EBLN1: variants seen among roughly 807,000 people sequenced by gnomAD.
EBLN1 encodes endogenous Bornavirus like nucleoprotein 1.
Under a neutral mutation model 0.8 loss-of-function variants are expected in EBLN1, and 1 was observed. The observed-to-expected ratio is 1.32, with a 90% CI of 0.47 to 6.26. EBLN1 has a LOEUF of 6.26. EBLN1 is among the 30% of genes most tolerant of loss of function. The pLI, the probability that EBLN1 is intolerant of heterozygous loss-of-function variation, is 0.15. For missense variants in EBLN1, 396 were observed against 447.9 expected (o/e 0.88, Z 1.05); for synonymous variants, 158 against 158.5 (o/e 1.00, Z 0.02).
chr10:22,209,308 T>G lies in EBLN1; in HGVS notation c.676A>C (p.Lys226Gln), dbSNP rs1361899561. The change falls in exon 3 of 3, where the codon AAA becomes CAA. Residue 226 changes from lysine to glutamine, a missense_variant. By Grantham distance (53) the Lys-to-Gln change is moderately conservative. Coordinates refer to ENST00000422359, the MANE Select transcript of EBLN1 (RefSeq NM_001394757.1). The part of the protein sequence containing the change: ...SPACELLDQV[K>Q]VVASKAQMMT... ...ATCTGTGCTTTGCTGGCAACTACTT[T>G]AACTTGATCAAGTAGCTCGCACGCA... 1.3e-6 allele frequency: 2 copies of G among 1,599,282 alleles called. No homozygotes were observed. The highest frequency in any genetic ancestry group is 1.7e-6 in the Non-Finnish European group (2 of 1,179,396).
Position 22,217,284 on chromosome 10 carries a change from C to T in EBLN1, c.-169+632G>A, listed in dbSNP as rs1834800162. Among the ~76,000 whole-genome samples the T allele has an allele frequency of 2.0e-5, 3 of 152,158 alleles. No individual in the cohort carries two copies. The South Asian group carries it at 6.2e-4, about 31-fold the overall frequency. On this transcript the variant is annotated intron_variant, in intron 1 of 2. Coordinates refer to ENST00000422359, the MANE Select transcript of EBLN1 (RefSeq NM_001394757.1). ...GAGATTATAGGTGCGTGCCACCACG[C>T]CCAGCTAATTTTTCTATTTTTAGTA...
intron 2 of EBLN1, among the ~76,000 whole-genome samples, chr10:22,212,581 T>G (rs898834370): frequency 1.3e-5 from 2 of 152,148 alleles, no homozygotes; most frequent in African/African-American, 4.8e-5. Flanking sequence ...GTCAAATACA[T>G]AGTTTCTTGA....
At chr10:22,213,012 T>G (rs560297702) in intron 1 of EBLN1, among the ~76,000 whole-genome samples, 47 bp from the exon 2 acceptor site, 2 of 151,672 alleles carry the variant, frequency 1.3e-5, no homozygotes, top group South Asian at 4.2e-4. Context: ...CAGTCTATGA[T>G]GTAAAGTGTG....
intron 1 of EBLN1, among the ~76,000 whole-genome samples, chr10:22,214,770 A>ACC (rs1373502522): frequency 1.2e-4 from 18 of 152,174 alleles, no homozygotes; most frequent in African/African-American, 4.3e-4. Context: ...CGTAGGACCC[A>ACC]CCAACTGCAC....
chr10:22,216,228 G>C lies in EBLN1; in HGVS notation c.-169+1688C>G, dbSNP rs375738489. On this transcript the variant is annotated intron_variant, in intron 1 of 2. Transcript: ENST00000422359. Reference sequence around the variant, plus strand: ...AAGTCATTCGGTGAAACCCAATTTAGGGACACCTCATCTGGCATGTACAAA... The same window carrying C: ...AAGTCATTCGGTGAAACCCAATTTACGGACACCTCATCTGGCATGTACAAA... Among the ~76,000 whole-genome samples, 10 of 151,508 alleles carry C rather than the reference G, an allele frequency of 6.6e-5. No homozygotes were observed. The East Asian group carries it at 1.9e-3, about 29-fold the overall frequency.
Position 22,208,995 on chromosome 10 carries a change from A to G in EBLN1, c.989T>C (p.Ile330Thr). 1 of 1,535,738 alleles carries G rather than the reference A, an allele frequency of 6.5e-7. No homozygotes were observed. Among genetic ancestry groups the G allele is most frequent in the Non-Finnish European group, 8.7e-7 (1 of 1,146,910 alleles). Residue 330 changes from isoleucine to threonine, a missense_variant, in exon 3 of 3, where the codon ATT becomes ACT. Coordinates refer to ENST00000422359, the MANE Select transcript of EBLN1 (RefSeq NM_001394757.1). ...EALDIIPGST[I>T]TFPVLQMASA... ...TGCCATTTGAAGTACAGGGAATGTA[A>G]TAGTTGATCCTGGTATAATGTCAAG...
In EBLN1 at chr10:22,209,962, G is replaced by A. The variant is rs999902283; in HGVS notation, c.22C>T (p.Pro8Ser). 7 of 1,418,176 alleles carry A rather than the reference G, an allele frequency of 4.9e-6. No individual in the cohort carries two copies. Among genetic ancestry groups the A allele is most frequent in the Non-Finnish European group, 6.4e-6 (7 of 1,090,104 alleles). 87.8% of individuals were successfully genotyped at this position (1,418,176 alleles called of 1,614,324 possible). A position where few individuals can be genotyped will look rare whatever the true frequency, so the allele number is the denominator to read the frequency against. ...CTGTCTTGTGGGCTGCTGGTCTGTG[G>A]GTTGTTTCTTGGGCGGGACATTGTG... is the stretch of plus-strand genomic sequence containing the variant. MSRPRNN[P>S]QTSSPQDSTK... The change falls in exon 3 of 3, where the codon CCA becomes TCA. Residue 8 changes from proline to serine, a missense_variant. Transcript: ENST00000422359.
chr10:22,215,404 C>T (rs1046048814), intron 1 of EBLN1, among the ~76,000 whole-genome samples: 1 of 151,892 alleles, frequency 6.6e-6, no homozygotes, highest in Non-Finnish European at 1.5e-5. Context: ...TTAAAGTATG[C>T]CCAGCCAAAT....
chr10:22,215,530 A>G lies in EBLN1; in HGVS notation c.-169+2386T>C, dbSNP rs536178571. 2.6e-5 allele frequency among the ~76,000 whole-genome samples: 4 copies of G among 152,312 alleles called. No individual in the cohort carries two copies. In the East Asian group the frequency reaches 7.7e-4, roughly 29 times the overall value. Reference sequence around the variant, plus strand: ...TTAATATTTTTCTCAAAATAACTAGAAAATAGTTTTGACAATTCTCACTGC... The same window carrying G: ...TTAATATTTTTCTCAAAATAACTAGGAAATAGTTTTGACAATTCTCACTGC... On this transcript the variant is annotated intron_variant, in intron 1 of 2. Coordinates refer to ENST00000422359, the MANE Select transcript of EBLN1 (RefSeq NM_001394757.1).
rs374471174 is a variant in EBLN1 at position 22,216,216 on chromosome 10, A to G, written c.-169+1700T>C. On this transcript the variant is annotated intron_variant, in intron 1 of 2. Coordinates refer to ENST00000422359, the MANE Select transcript of EBLN1 (RefSeq NM_001394757.1). ...TTACCCCAATAAAAGTCATTCGGTG[A>G]AACCCAATTTAGGGACACCTCATCT... Among the ~76,000 whole-genome samples the G allele has an allele frequency of 7.0e-4, 106 of 152,204 alleles. 2 individuals are homozygous for G. The South Asian group carries it at 0.021, about 30-fold the overall frequency.
At chr10:22,211,702 A>C (rs1302231453) in intron 2 of EBLN1, among the ~76,000 whole-genome samples, 2 of 152,076 alleles carry the variant, frequency 1.3e-5, no homozygotes, top group African/African-American at 4.8e-5. Flanking sequence ...CACTTTGCCC[A>C]GGATGGTCTC....
At chr10:22,217,273 G>A (rs1164269888) in intron 1 of EBLN1, among the ~76,000 whole-genome samples, 1 of 152,082 alleles carries the variant, frequency 6.6e-6, no homozygotes, top group African/African-American at 2.4e-5. Context: ...TTATAGGTGC[G>A]TGCCACCACG....
Position 22,208,913 on chromosome 10 carries a change from A to G in EBLN1, c.1071T>C (p.Leu357=). The G allele has an allele frequency of 2.0e-6, 3 of 1,532,174 alleles. No homozygotes were observed. The highest frequency in any genetic ancestry group is 2.6e-6 in the Non-Finnish European group (3 of 1,144,796). The allele number at this position is 1,532,174 out of a possible 1,614,324, so 94.9% of individuals were successfully genotyped here. The change falls in exon 3 of 3, where the codon CTT becomes CTC. Residue 357 remains leucine (L), a synonymous_variant. Coordinates refer to ENST00000422359, the MANE Select transcript of EBLN1 (RefSeq NM_001394757.1). The part of the protein sequence containing the change: ...SDMDPYTLNI[L]RGYGISGFE ...CAAATCCCGAAATCCCATAACCGCGAAGGATGTTAAGTGTATATGGATCCA... is the reference window on the plus strand; with the variant it reads ...CAAATCCCGAAATCCCATAACCGCGGAGGATGTTAAGTGTATATGGATCCA...
rs1008306097 is a variant in EBLN1 at position 22,209,272 on chromosome 10, A to G, written c.712T>C (p.Tyr238His). ...VASKAQMMTY[Y>H]TVRMFLDQCV... is the part of the protein sequence containing the mutation. The stretch of plus-strand genomic sequence containing the variant: ...TGATCCAGGAACATTCTCACAGTGT[A>G]GTAGGTCATCATCTGTGCTTTGCTG... The change falls in exon 3 of 3, where the codon TAC becomes CAC. Residue 238 changes from tyrosine to histidine, a missense_variant. Physicochemically the swap from Tyr to His is moderately conservative, Grantham distance 83. Transcript: ENST00000422359. The G allele has an allele frequency of 6.3e-7, 1 of 1,585,780 alleles. No homozygotes were observed. Among genetic ancestry groups the G allele is most frequent in the Non-Finnish European group, 8.5e-7 (1 of 1,173,288 alleles).
In EBLN1 at chr10:22,208,653, C is replaced by A. The variant is rs1457362764; in HGVS notation, c.*230G>T. ...TATTTCAAAATTCTACATGTCAAAG[C>A]ATATTTTTGGCCTCCAGTACTTAAA... is the stretch of plus-strand genomic sequence containing the variant. On this transcript the variant is annotated 3_prime_UTR_variant, in exon 3 of 3. Transcript: ENST00000422359. Among the ~76,000 whole-genome samples, 1 of 152,130 alleles carries A rather than the reference C, an allele frequency of 6.6e-6. No individual in the cohort carries two copies. The highest frequency in any genetic ancestry group is 1.5e-5 in the Non-Finnish European group (1 of 68,028).
At chr10:22,216,941 A>G (rs1400640370) in intron 1 of EBLN1, among the ~76,000 whole-genome samples, 1 of 152,172 alleles carries the variant, frequency 6.6e-6, no homozygotes, top group African/African-American at 2.4e-5. Context: ...AAGTAAGTAC[A>G]CTTGAGCTTC....
Position 22,209,535 on chromosome 10 carries a change from G to C in EBLN1, c.449C>G (p.Ser150Trp), listed in dbSNP as rs550246319. The change falls in exon 3 of 3, where the codon TCG becomes TGG. Residue 150 changes from serine (S) to tryptophan (W), a missense_variant. Coordinates refer to ENST00000422359, the MANE Select transcript of EBLN1 (RefSeq NM_001394757.1). ...CCDLIGIAAG[S>W]SDPICTNSLQ... ...GCTGTTGGTGCATATCGGGTCACTCGATCCGGCAGCAATGCCTATCAGATC... is the reference window on the plus strand; with the variant it reads ...GCTGTTGGTGCATATCGGGTCACTCCATCCGGCAGCAATGCCTATCAGATC... The C allele has an allele frequency of 2.5e-5, 39 of 1,559,334 alleles. No homozygotes were observed. The highest frequency in any genetic ancestry group is 3.3e-5 in the Non-Finnish European group (38 of 1,162,530).
chr10:22,209,445 C>T lies in EBLN1; in HGVS notation c.539G>A (p.Ser180Asn). ...ISIGRPLHSE[S>N]ADLLISYNAG... ...ATTATAGCTAATTAATAAATCAGCACTTTCACTATGCAAAGGTCTTCCAAT... is the reference window on the plus strand; with the variant it reads ...ATTATAGCTAATTAATAAATCAGCATTTTCACTATGCAAAGGTCTTCCAAT... Residue 180 changes from serine (S) to asparagine (N), a missense_variant, in exon 3 of 3, where the codon AGT becomes AAT. Transcript: ENST00000422359. 1 of 1,599,322 alleles carries T rather than the reference C, an allele frequency of 6.3e-7. No individual in the cohort carries two copies. Among genetic ancestry groups the T allele is most frequent in the Non-Finnish European group, 8.5e-7 (1 of 1,179,720 alleles).
chr10:22,209,955 G>C lies in EBLN1; in HGVS notation c.29C>G (p.Thr10Ser), dbSNP rs1023095456. The C allele has an allele frequency of 7.7e-6, 11 of 1,424,796 alleles. No homozygotes were observed. In the Admixed American group the frequency reaches 1.1e-4, roughly 15 times the overall value. 88.3% of individuals were successfully genotyped at this position (1,424,796 alleles called of 1,614,324 possible). Residue 10 changes from threonine to serine, a missense_variant, in exon 3 of 3, where the codon ACC becomes AGC. Physicochemically the swap from Thr to Ser is moderately conservative, Grantham distance 58. Coordinates refer to ENST00000422359, the MANE Select transcript of EBLN1 (RefSeq NM_001394757.1). MSRPRNNPQTSSPQDSTKDG... is the reference protein window; with the variant it reads MSRPRNNPQSSSPQDSTKDG... The stretch of plus-strand genomic sequence containing the variant: ...CTTTGTACTGTCTTGTGGGCTGCTG[G>C]TCTGTGGGTTGTTTCTTGGGCGGGA...
Sources: allele counts gnomAD v4.1 joint callset (sites outside exome capture counted in the v4.1 genomes callset), GRCh38; gene constraint gnomAD v4.1.1; transcripts MANE v1.5; gene names NCBI Gene and HGNC (gene_info 2026-07-23, HGNC 2026-07-21).